CEP83: variants seen among roughly 807,000 people sequenced by gnomAD.
The protein encoded by CEP83 is centrosomal protein 83.
In CEP83, 70 loss-of-function variants were observed where a neutral mutation model predicts 101.9. That is an observed-to-expected ratio of 0.69 (90% CI 0.57 to 0.84). CEP83 has a LOEUF of 0.84. Ranked by LOEUF, CEP83 falls within the 40% of genes least tolerant of loss-of-function variation. The pLI is 0.00. For synonymous variants in CEP83, 264 were observed against 267.9 expected (o/e 0.99, Z 0.14); for missense variants, 715 against 787.2 (o/e 0.91, Z 1.10).
chr12:94,355,359 G>A (rs558970557), intron 11 of CEP83, among the ~76,000 whole-genome samples: 2 of 152,232 alleles, frequency 1.3e-5, no homozygotes, highest in South Asian at 2.1e-4. Flanking sequence ...CAGGCATGGT[G>A]GCAGGTGCCT....
At chr12:94,279,725 CCCTCCCTGCCCCCA>C in the CEP83 span, 2 of 1,223,764 alleles carry the variant, frequency 1.6e-6, no homozygotes, top group Non-Finnish European at 2.3e-6. Context: ...TCCCTGTCCC[CCCTCCCTGCCCCCA>C]CCAGCTTCCA....
Position 94,426,788 on chromosome 12 carries a change from G to A in CEP83, c.-102+8487C>T, listed in dbSNP as rs1407607933. On this transcript the variant is annotated intron_variant, in intron 2 of 16. Coordinates refer to ENST00000397809, the MANE Select transcript of CEP83 (RefSeq NM_016122.3). Reference sequence around the variant, plus strand: ...TAAGAGAGAAGGAGAGGGAGTTTGAGACTGAAGAGGAAGAGGCAATGTGAC... The same window carrying A: ...TAAGAGAGAAGGAGAGGGAGTTTGAAACTGAAGAGGAAGAGGCAATGTGAC... 2.0e-5 allele frequency among the ~76,000 whole-genome samples: 3 copies of A among 152,162 alleles called. No individual in the cohort carries two copies. In the East Asian group the frequency reaches 5.8e-4, roughly 29 times the overall value.
At chr12:94,361,209 A>G (rs138228834) in intron 11 of CEP83, 1 of 152,302 alleles carries the variant, frequency 6.6e-6, no homozygotes, top group East Asian at 1.9e-4. Flanking sequence ...CCTCAATAAC[A>G]CAGGCAACAA....
At chr12:94,354,740 G>T (rs2060363891) in intron 11 of CEP83, among the ~76,000 whole-genome samples, 1 of 152,178 alleles carries the variant, frequency 6.6e-6, no homozygotes, top group Admixed American at 6.5e-5. Context: ...GGCCGGGTGT[G>T]GTGGCTCACA....
At chr12:94,376,732 C>CACATATAT (rs1034102363) in intron 7 of CEP83, among the ~76,000 whole-genome samples, 20 of 95,020 alleles carry the variant, frequency 2.1e-4, no homozygotes, top group African/African-American at 7.7e-4. Flanking sequence ...CACACACACA[C>CACATATAT]ATATATATAT....
chr12:94,355,347 G>T (rs566830704), intron 11 of CEP83, among the ~76,000 whole-genome samples: 2 of 152,192 alleles, frequency 1.3e-5, no homozygotes, highest in African/African-American at 2.4e-5. Context: ...CAAAAAATTA[G>T]CCAGGCATGG....
intron 1 of CEP83, among the ~76,000 whole-genome samples, chr12:94,452,765 A>T (rs916650758): frequency 1.3e-5 from 2 of 152,212 alleles, no homozygotes; most frequent in Admixed American, 1.3e-4. Context: ...TATGTAGTTC[A>T]GAAGAGTCAT....
intron 2 of CEP83, among the ~76,000 whole-genome samples, chr12:94,422,835 T>C (rs2064867677): frequency 6.6e-6 from 1 of 152,238 alleles, no homozygotes; most frequent in South Asian, 2.1e-4. Flanking sequence ...ATATAACACA[T>C]ATTGTTTATC....
chr12:94,348,356 A>C lies in CEP83; in HGVS notation c.1344-12692T>G, dbSNP rs566476336. On this transcript the variant is annotated intron_variant, in intron 11 of 16. Coordinates refer to ENST00000397809, the MANE Select transcript of CEP83 (RefSeq NM_016122.3). ...ACACAAGAAGCTGCCAAAGAACTCAATGTCAACCATTTTATGGTCATTTGG... is the reference window on the plus strand; with the variant it reads ...ACACAAGAAGCTGCCAAAGAACTCACTGTCAACCATTTTATGGTCATTTGG... 8.5e-5 allele frequency among the ~76,000 whole-genome samples: 13 copies of C among 152,298 alleles called. 1 individual carries two copies. In the South Asian group the frequency reaches 2.7e-3, roughly 32 times the overall value.
intron 1 of CEP83, among the ~76,000 whole-genome samples, chr12:94,448,111 AT>A (rs1555268681): frequency 6.6e-6 from 1 of 152,052 alleles, no homozygotes; most frequent in Non-Finnish European, 1.5e-5. Flanking sequence ...AATTAAAAGG[AT>A]TTTTTTAAAA....
intron 6 of CEP83, among the ~76,000 whole-genome samples, chr12:94,380,239 T>C (rs896339670): frequency 1.3e-5 from 2 of 152,188 alleles, no homozygotes; most frequent in African/African-American, 2.4e-5. Context: ...TCCACACCTG[T>C]AAAATGGGAA....
intron 14 of CEP83, among the ~76,000 whole-genome samples, chr12:94,321,673 CG>C (rs937279154): frequency 6.6e-6 from 1 of 151,668 alleles, no homozygotes; most frequent in African/African-American, 2.4e-5. Flanking sequence ...GTTGGGCATC[CG>C]TACCAGCCCC....
At chr12:94,306,608 G>T (rs1969044682), downstream of CEP83, 1 of 152,040 alleles carries the variant, frequency 6.6e-6, no homozygotes, top group African/African-American at 2.4e-5. Flanking sequence ...TTTACCCTTG[G>T]TGCTCCAAAT....
intron 16 of CEP83, 48 bp from the exon 17 acceptor site, chr12:94,308,965 C>G (rs1169740310): frequency 7.4e-7 from 1 of 1,356,548 alleles, no homozygotes; most frequent in Non-Finnish European, 1.1e-6. Flanking sequence ...ATTAGAAAAA[C>G]TGTTAGGTAG....
chr12:94,421,664 T>C (rs529245633), intron 2 of CEP83, among the ~76,000 whole-genome samples: 39 of 152,250 alleles, frequency 2.6e-4, no homozygotes, highest in South Asian at 6.2e-4. Flanking sequence ...GATAAACTCA[T>C]TGTTAAGTAA....
At chr12:94,359,820 C>CAA (rs2060656383) in intron 11 of CEP83, among the ~76,000 whole-genome samples, 1 of 151,828 alleles carries the variant, frequency 6.6e-6, no homozygotes. Context: ...GACAGGGACA[C>CAA]AACAAAAAAA....
chr12:94,275,016 A>C, the CEP83 span, among the ~76,000 whole-genome samples: 1 of 152,226 alleles, frequency 6.6e-6, no homozygotes, highest in Non-Finnish European at 1.5e-5. Flanking sequence ...AGGAACAGTG[A>C]GGATTTTAAG....
rs1484772479 is a variant in CEP83 at position 94,442,453 on chromosome 12, A to T, written c.-154-7126T>A. Among the ~76,000 whole-genome samples the T allele has an allele frequency of 2.6e-5, 4 of 152,262 alleles. No homozygotes were observed. In the South Asian group the frequency reaches 8.3e-4, roughly 32 times the overall value. On this transcript the variant is annotated intron_variant, in intron 1 of 16. Transcript: ENST00000397809. Reference sequence around the variant, plus strand: ...GTGATGGGTGCAGGAAAATCTCAGAAATCACCACTAAATAAGTTATCCATG... The same window carrying T: ...GTGATGGGTGCAGGAAAATCTCAGATATCACCACTAAATAAGTTATCCATG...
At chr12:94,369,674 C>T (rs1261979371) in intron 9 of CEP83, 2 of 276,116 alleles carry the variant, frequency 7.2e-6, no homozygotes, top group South Asian at 1.1e-4. Flanking sequence ...TATGGCATCC[C>T]ATTTACAAAA....
Sources: allele counts gnomAD v4.1 joint callset (sites outside exome capture counted in the v4.1 genomes callset), GRCh38; gene constraint gnomAD v4.1.1; transcripts MANE v1.5; gene names NCBI Gene and HGNC (gene_info 2026-07-23, HGNC 2026-07-21).